The following STK32B variants were observed in gnomAD, a reference collection of about 807,000 sequenced individuals.
The protein encoded by STK32B is serine/threonine kinase 32B, also known as serine/threonine-protein kinase 32B.
STK32B carries 43 observed loss-of-function variants against 52.6 expected under a neutral mutation model. That is an observed-to-expected ratio of 0.82 (90% CI 0.64 to 1.05). STK32B has a LOEUF of 1.05. Among genes scored for constraint, STK32B ranks in the 50% least tolerant of loss-of-function variants. The probability of loss-of-function intolerance (pLI) is 0.00; values close to 1 mark genes in which losing one functional copy is unlikely to be tolerated. For synonymous variants in STK32B, 238 were observed against 204.3 expected (o/e 1.17, Z -1.41); for missense variants, 621 against 534.6 (o/e 1.16, Z -1.59).
intron 4 of STK32B, among the ~76,000 whole-genome samples, chr4:5,338,919 T>A (rs1226760103): frequency 6.6e-6 from 1 of 152,186 alleles, no homozygotes; most frequent in Non-Finnish European, 1.5e-5. Flanking sequence ...TCTGAGTGTG[T>A]CTGTGAGGAT....
At chr4:5,488,641 C>T (rs115842565) in intron 11 of STK32B, among the ~76,000 whole-genome samples, 2,424 of 152,224 alleles carry the variant, frequency 0.016, 76 homozygotes, top group African/African-American at 0.055. Context: ...TTGTCTTCTG[C>T]CTCCTCCTTA....
intron 4 of STK32B, among the ~76,000 whole-genome samples, chr4:5,346,288 G>A (rs1392387518): frequency 2.0e-5 from 3 of 152,156 alleles, no homozygotes; most frequent in Non-Finnish European, 2.9e-5. Context: ...TTTGACAAAG[G>A]CTCATCGCTC....
the STK32B span, among the ~76,000 whole-genome samples, chr4:5,037,978 C>T: frequency 6.6e-6 from 1 of 152,264 alleles, no homozygotes; most frequent in East Asian, 1.9e-4. Context: ...TCTTTGCTCC[C>T]TCTAAGACCT....
intron 3 of STK32B, among the ~76,000 whole-genome samples, chr4:5,303,129 C>G (rs541765462): frequency 4.0e-5 from 6 of 150,148 alleles, no homozygotes; most frequent in Non-Finnish European, 7.4e-5. Context: ...GGGAATTACG[C>G]TGCCGTAAAC....
At chr4:5,320,961 T>A (rs1486170980) in intron 3 of STK32B, among the ~76,000 whole-genome samples, 1 of 152,212 alleles carries the variant, frequency 6.6e-6, no homozygotes, top group Non-Finnish European at 1.5e-5. Context: ...CAATAGATGA[T>A]GCATGTATAC....
At chr4:5,089,839 A>C (rs533242640) in intron 1 of STK32B, among the ~76,000 whole-genome samples, 9 of 152,188 alleles carry the variant, frequency 5.9e-5, no homozygotes, top group African/African-American at 1.9e-4. Context: ...AAGCGTTCGT[A>C]TTTCTCCACA....
chr4:5,348,318 CCTT>C (rs974356592), intron 4 of STK32B, among the ~76,000 whole-genome samples: 8 of 152,168 alleles, frequency 5.3e-5, no homozygotes, highest in Non-Finnish European at 1.0e-4. Context: ...GTGTCCCACA[CCTT>C]CTTCCCAGTC....
intron 1 of STK32B, among the ~76,000 whole-genome samples, chr4:5,103,271 A>G (rs1713922444): frequency 6.6e-6 from 1 of 152,108 alleles, no homozygotes; most frequent in Non-Finnish European, 1.5e-5. Flanking sequence ...AGACACAGTT[A>G]AAGCCCCATG....
At position 5,446,593 on chromosome 4, in the gene STK32B, C is replaced by T. The variant is rs889242008; in HGVS notation, c.563-80C>T. 11 of 1,037,142 alleles carry T rather than the reference C, an allele frequency of 1.1e-5. No homozygotes were observed. In the African/African-American group the frequency reaches 1.5e-4, roughly 14 times the overall value. The allele number at this position is 1,037,142 out of a possible 1,614,324, so 64.2% of individuals were successfully genotyped here. A position where few individuals can be genotyped will look rare whatever the true frequency, so the allele number is the denominator to read the frequency against. On this transcript the variant is annotated intron_variant, in intron 6 of 11. Coordinates refer to ENST00000282908, the MANE Select transcript of STK32B (RefSeq NM_018401.3). ...AAAAAAAAAAAAACAAGCTCAATTT[C>T]TCTCCTTGTCCCCTCTCTAAGGGGT...
chr4:5,248,147 A>G (rs937300983), intron 3 of STK32B, among the ~76,000 whole-genome samples: 13 of 152,144 alleles, frequency 8.5e-5, no homozygotes, highest in Admixed American at 2.6e-4. Flanking sequence ...TAGTGTTCCC[A>G]TTTTATAAGT....
chr4:5,158,001 T>TCC (rs1420469670), intron 2 of STK32B, among the ~76,000 whole-genome samples: 36 of 152,206 alleles, frequency 2.4e-4, no homozygotes, highest in African/African-American at 7.5e-4. Flanking sequence ...TGAATTAGGT[T>TCC]GTGTTTGGCT....
intron 3 of STK32B, among the ~76,000 whole-genome samples, chr4:5,221,879 C>A (rs1023321357): frequency 7.0e-6 from 1 of 143,842 alleles, no homozygotes; most frequent in African/African-American, 2.6e-5. Context: ...AAAAAAAATT[C>A]AGGTGTTGTT....
chr4:5,226,876 C>T lies in STK32B; in HGVS notation c.260+58426C>T, dbSNP rs139771006. Among the ~76,000 whole-genome samples the T allele has an allele frequency of 5.7e-3, 873 of 152,256 alleles. 4 individuals are homozygous for T. The highest frequency in any genetic ancestry group is 0.019 in the African/African-American group (805 of 41,546). ...TTCAGTGGGGGTCTTGGAACATATA[C>T]TCCGTGGATAAGGTGGGACTACTGT... is the stretch of plus-strand genomic sequence containing the variant. On this transcript the variant is annotated intron_variant, in intron 3 of 11. Coordinates refer to ENST00000282908, the MANE Select transcript of STK32B (RefSeq NM_018401.3).
chr4:5,214,699 T>C (rs1164513167), intron 3 of STK32B, among the ~76,000 whole-genome samples: 3 of 152,262 alleles, frequency 2.0e-5, no homozygotes, highest in Non-Finnish European at 4.4e-5. Flanking sequence ...GGACTATCTC[T>C]GTCTCAATTT....
At chr4:5,440,816 G>T (rs982860398) in intron 6 of STK32B, among the ~76,000 whole-genome samples, 2 of 151,926 alleles carry the variant, frequency 1.3e-5, no homozygotes, top group East Asian at 1.9e-4. Flanking sequence ...TAGCATGAAG[G>T]GTTGTTGAAT....
chr4:5,049,197 TTTTG>T (rs1741671981), upstream of STK32B, among the ~76,000 whole-genome samples: 2 of 151,610 alleles, frequency 1.3e-5, no homozygotes, highest in African/African-American at 4.9e-5. Context: ...CCTTCTTTTC[TTTTG>T]TTTTTTTTTT....
chr4:5,179,147 C>T (rs764180525), intron 3 of STK32B, among the ~76,000 whole-genome samples: 1 of 152,246 alleles, frequency 6.6e-6, no homozygotes, highest in Non-Finnish European at 1.5e-5. Context: ...AAAGGAGAAG[C>T]AGCCACCTTC....
chr4:5,058,970 C>T lies in STK32B; in HGVS notation c.52+7055C>T, dbSNP rs1448598412. Among the ~76,000 whole-genome samples the T allele has an allele frequency of 1.3e-5, 2 of 150,662 alleles. No individual in the cohort carries two copies. The highest frequency in any genetic ancestry group is 2.1e-4 in the South Asian group (1 of 4,742). On this transcript the variant is annotated intron_variant, in intron 1 of 11. Coordinates refer to ENST00000282908, the MANE Select transcript of STK32B (RefSeq NM_018401.3). The surrounding 1 kb of genome is among the most constrained non-coding windows in gnomAD (Gnocchi z 4.8). ...TTCACCATGTTGGCCAGGCTGGTCT[C>T]GAACTCCTGACCTCAGGTGATCTGC...
intron 3 of STK32B, among the ~76,000 whole-genome samples, chr4:5,297,632 TA>T: frequency 7.2e-6 from 1 of 139,068 alleles, no homozygotes; most frequent in African/African-American, 3.1e-5. Flanking sequence ...TCTGGTCATT[TA>T]TGTTTTTTTT....
Sources: gnomAD v4.1 joint callset for allele counts (sites outside exome capture counted in the v4.1 genomes callset) on GRCh38, gnomAD v4.1.1 for gene constraint, Gnocchi (gnomAD v3.1) non-coding constraint, MANE v1.5 for transcripts, NCBI Gene and HGNC (gene_info 2026-07-23, HGNC 2026-07-21) for gene names.